The following TRIM2 variants were observed in gnomAD, a reference collection of about 807,000 sequenced individuals.
TRIM2 encodes the protein tripartite motif-containing protein 2.
Under a neutral mutation model 75.2 loss-of-function variants are expected in TRIM2, and 20 were observed. The observed-to-expected ratio is 0.27, with a 90% CI of 0.19 to 0.39. The LOEUF (loss-of-function observed/expected upper bound fraction) is 0.39. TRIM2 is among the 10% of genes least tolerant of loss of function. TRIM2 has a pLI of 1.00. For missense variants in TRIM2, 660 were observed against 990.8 expected, an observed-to-expected ratio of 0.67 and a Z score of 4.48; for synonymous variants, 373 against 388.3, an observed-to-expected ratio of 0.96 and a Z score of 0.46.
At chr4:153,240,238 T>C (rs1746202734) in intron 1 of TRIM2, among the ~76,000 whole-genome samples, 1 of 152,200 alleles carries the variant, frequency 6.6e-6, no homozygotes, top group African/African-American at 2.4e-5. Context: ...AGATTATCGC[T>C]GCCAAACTGT....
At position 153,336,118 on chromosome 4, in the gene TRIM2, A is replaced by T. The variant is rs564370630; in HGVS notation, c.*1152A>T. The T allele has an allele frequency of 9.6e-3, 5,180 of 538,000 alleles. 13 individuals carry two copies. Among genetic ancestry groups the T allele is most frequent in the Non-Finnish European group, 0.012 (4,915 of 420,110 alleles). 33.3% of individuals were successfully genotyped at this position (538,000 alleles called of 1,614,324 possible). The stretch of plus-strand genomic sequence containing the variant: ...TGATTAGGGTAAGATAGAATGTATT[A>T]TATATATATATATATACACACACAC... On this transcript the variant is annotated 3_prime_UTR_variant, in exon 12 of 12. Transcript: ENST00000338700.
chr4:153,163,946 A>T (rs1730025412), intron 1 of TRIM2, among the ~76,000 whole-genome samples: 1 of 152,168 alleles, frequency 6.6e-6, no homozygotes, highest in Non-Finnish European at 1.5e-5. Flanking sequence ...AAACAAAAAA[A>T]CTGTTATTAA....
At chr4:153,180,708 G>A (rs368714978) in intron 1 of TRIM2, among the ~76,000 whole-genome samples, 1 of 152,150 alleles carries the variant, frequency 6.6e-6, no homozygotes, top group Non-Finnish European at 1.5e-5. Flanking sequence ...CTACTCCTGA[G>A]CTCAAGTGAT....
rs191869650 is a variant in TRIM2, at chr4:153,245,885, C to T, written c.31-24450C>T. 3.2e-4 allele frequency among the ~76,000 whole-genome samples: 48 copies of T among 152,176 alleles called. No homozygotes were observed. The East Asian group carries it at 8.3e-3, about 26-fold the overall frequency. On this transcript the variant is annotated intron_variant, in intron 1 of 11. Coordinates refer to ENST00000338700, the MANE Select transcript of TRIM2 (RefSeq NM_015271.5). ...GTAGAGACAGGGTTTTGCCATGTTG[C>T]CCAGGCTGGTCTCAATTTTCTGAGC... is the stretch of plus-strand genomic sequence containing the variant.
chr4:153,231,924 T>C (rs139539576), intron 1 of TRIM2, among the ~76,000 whole-genome samples: 4 of 152,286 alleles, frequency 2.6e-5, no homozygotes, highest in Non-Finnish European at 2.9e-5. Flanking sequence ...AAATCTGAAA[T>C]GCTCCAAGTC....
At chr4:153,209,813 A>G (rs1289388796) in intron 1 of TRIM2, among the ~76,000 whole-genome samples, 1 of 152,142 alleles carries the variant, frequency 6.6e-6, no homozygotes, top group Non-Finnish European at 1.5e-5. Flanking sequence ...GCACTTTTCA[A>G]TGTGTGTTCT....
At chr4:153,325,035 C>A (rs1769852093) in intron 10 of TRIM2, among the ~76,000 whole-genome samples, 1 of 152,100 alleles carries the variant, frequency 6.6e-6, no homozygotes, top group Non-Finnish European at 1.5e-5. Context: ...GGATGGTATG[C>A]CAGTGAGTAA....
chr4:153,164,679 A>G (rs999333838), intron 1 of TRIM2, among the ~76,000 whole-genome samples: 4 of 152,190 alleles, frequency 2.6e-5, no homozygotes, highest in African/African-American at 9.7e-5. Flanking sequence ...CCTTGGATAT[A>G]CATATACTAC....
intron 1 of TRIM2, among the ~76,000 whole-genome samples, chr4:153,229,706 C>G (rs1005602901): frequency 2.0e-5 from 3 of 152,160 alleles, no homozygotes; most frequent in African/African-American, 7.2e-5. Context: ...GACAGATTTG[C>G]CAGGGTATGA....
intron 8 of TRIM2, among the ~76,000 whole-genome samples, chr4:153,316,701 C>T (rs1240957196): frequency 2.0e-5 from 3 of 152,034 alleles, no homozygotes; most frequent in Non-Finnish European, 4.4e-5. Flanking sequence ...AAATTTAACT[C>T]AATGTCTTCA....
chr4:153,337,424 G>T lies in TRIM2; in HGVS notation c.*2458G>T. ...TTACATGTCAATATTGGCACAAACT[G>T]GAATGAAAGAATAGTTTGATTCAGA... On this transcript the variant is annotated 3_prime_UTR_variant, in exon 12 of 12. Coordinates refer to ENST00000338700, the MANE Select transcript of TRIM2 (RefSeq NM_015271.5). The T allele has an allele frequency of 7.1e-6, 7 of 985,718 alleles. No individual in the cohort carries two copies. The highest frequency in any genetic ancestry group is 8.4e-6 in the Non-Finnish European group (7 of 829,904). 61.1% of individuals were successfully genotyped at this position (985,718 alleles called of 1,614,324 possible).
intron 7 of TRIM2, 93 bp from the exon 8 acceptor site, chr4:153,315,739 G>A (rs963295684): frequency 1.3e-6 from 2 of 1,515,058 alleles, no homozygotes; most frequent in Admixed American, 1.8e-5. Context: ...TGCGTGTTCT[G>A]ATCTCTGTAT....
chr4:153,219,285 G>A (rs775977339), intron 1 of TRIM2, among the ~76,000 whole-genome samples: 1 of 152,014 alleles, frequency 6.6e-6, no homozygotes, highest in Non-Finnish European at 1.5e-5. Flanking sequence ...CATAAAGCCC[G>A]ATCCGCCAGA....
rs1560834703 is a variant in TRIM2, at chr4:153,221,840, GAAAGCGCGAGGAAA to G, written c.30+17281_30+17294del. On this transcript the variant is annotated intron_variant, in intron 1 of 11. Coordinates refer to ENST00000338700, the MANE Select transcript of TRIM2 (RefSeq NM_015271.5). ...GGAGGGAGGAAATGAAGGAAGGAAGGAAAGCGCGAGGAAAGAAGAGAGAGAGGAAGGAAGGGAAG... is the reference window on the plus strand; with the variant it reads ...GGAGGGAGGAAATGAAGGAAGGAAGGGAAGAGAGAGAGGAAGGAAGGGAAG... Among the ~76,000 whole-genome samples, 86 of 103,308 alleles carry G rather than the reference GAAAGCGCGAGGAAA, an allele frequency of 8.3e-4. 1 individual carries two copies. The highest frequency in any genetic ancestry group is 3.4e-3 in the African/African-American group (85 of 25,272). The allele number at this position is 103,308 out of a possible 152,430, so 67.8% of individuals were successfully genotyped here. A position where few individuals can be genotyped will look rare whatever the true frequency, so the allele number is the denominator to read the frequency against.
chr4:153,247,534 T>A (rs1195807293), intron 1 of TRIM2, among the ~76,000 whole-genome samples: 1 of 152,000 alleles, frequency 6.6e-6, no homozygotes, highest in Non-Finnish European at 1.5e-5. Context: ...AAAAATTAGC[T>A]GGACATGGTG....
chr4:153,226,072 T>C (rs529272367), intron 1 of TRIM2, among the ~76,000 whole-genome samples: 51 of 152,282 alleles, frequency 3.3e-4, no homozygotes, highest in African/African-American at 1.1e-3. Context: ...TGGCTCACTG[T>C]GTTGCCCAAG....
At chr4:153,183,046 GAATA>G (rs1732233160) in intron 1 of TRIM2, among the ~76,000 whole-genome samples, 1 of 152,208 alleles carries the variant, frequency 6.6e-6, no homozygotes, top group Non-Finnish European at 1.5e-5. Context: ...ATGAAAGAAT[GAATA>G]AATGAATGAA....
intron 1 of TRIM2, among the ~76,000 whole-genome samples, chr4:153,260,700 C>CCCACA (rs1560902966): frequency 1.2e-4 from 8 of 67,908 alleles, no homozygotes; most frequent in South Asian, 8.8e-4. Flanking sequence ...ACCCCCCCCC[C>CCCACA]CACACACACA....
chr4:153,163,493 ATCT>A (rs1729954936), intron 1 of TRIM2, among the ~76,000 whole-genome samples: 2 of 80,882 alleles, frequency 2.5e-5, no homozygotes, highest in South Asian at 4.6e-4. Context: ...CTAGATTTAC[ATCT>A]TTTTTTTTTT....
Sources: allele counts gnomAD v4.1 joint callset (sites outside exome capture counted in the v4.1 genomes callset), GRCh38; gene constraint gnomAD v4.1.1; transcripts MANE v1.5; gene names NCBI Gene and HGNC (gene_info 2026-07-23, HGNC 2026-07-21).